Variants in NOS2 observed in about 807,000 individuals in gnomAD.
NOS2 encodes nitric oxide synthase 2.
A neutral mutation model predicts 136.0 loss-of-function variants in NOS2; 96 were observed. The observed-to-expected ratio is 0.71, with a 90% CI of 0.60 to 0.84. The LOEUF (loss-of-function observed/expected upper bound fraction) is 0.84, where lower values mean the gene tolerates loss of function less well. Ranked by LOEUF, NOS2 falls within the 40% of genes least tolerant of loss-of-function variation. The pLI is 0.00. For missense variants in NOS2, 1,237 were observed against 1,496.9 expected (o/e 0.83, Z 2.87); for synonymous variants, 539 against 587.5 (o/e 0.92, Z 1.20).
Position 27,776,655 on chromosome 17 carries a change from G to C in NOS2, c.1281+2035C>G, listed in dbSNP as rs28999391. 5.8e-3 allele frequency among the ~76,000 whole-genome samples: 826 copies of C among 143,270 alleles called. 5 individuals carry two copies. The highest frequency in any genetic ancestry group is 0.02 in the African/African-American group (773 of 38,446). 94.0% of individuals were successfully genotyped at this position (143,270 alleles called of 152,430 possible). ...ACCATGCACTCCAGCCTAGGCAATG[G>C]AGGGAGAGTTCATCTCCAAAGGAAA... On this transcript the variant is annotated intron_variant, in intron 11 of 26. Coordinates refer to ENST00000313735, the MANE Select transcript of NOS2 (RefSeq NM_000625.4).
chr17:27,765,511 C>G (rs570884481), intron 20 of NOS2, 24 bp downstream of exon 20: 2 of 1,565,174 alleles, frequency 1.3e-6, no homozygotes, highest in East Asian at 4.5e-5. Flanking sequence ...CCAGGCAGCA[C>G]TGGCTTTCTA....
At chr17:27,785,148 C>T (rs1301224768) in intron 5 of NOS2, among the ~76,000 whole-genome samples, 1 of 151,930 alleles carries the variant, frequency 6.6e-6, no homozygotes, top group Non-Finnish European at 1.5e-5. Flanking sequence ...TCTGGGGCTT[C>T]GAAGGGTGTG....
chr17:27,770,433 C>T (rs550934514), intron 15 of NOS2, among the ~76,000 whole-genome samples: 108 of 152,334 alleles, frequency 7.1e-4, no homozygotes, highest in African/African-American at 2.5e-3. Context: ...TTGCAGTGAG[C>T]TGAGATCGCA....
intron 15 of NOS2, 90 bp from the exon 16 acceptor site, chr17:27,769,674 C>T: frequency 8.8e-7 from 1 of 1,130,178 alleles, no homozygotes; most frequent in South Asian, 1.3e-5. Context: ...CCACAGCTTG[C>T]AGGAGAAGGC....
Position 27,787,774 on chromosome 17 carries a change from C to T in NOS2, c.371G>A (p.Ser124Asn), listed in dbSNP as rs148763708. 920 of 1,613,514 alleles carry T rather than the reference C, an allele frequency of 5.7e-4. 2 individuals carry two copies. Among genetic ancestry groups the T allele is most frequent in the Non-Finnish European group, 6.8e-4 (797 of 1,179,752 alleles). Residue 124 changes from serine to asparagine, a missense_variant, in exon 5 of 27, where the codon AGT (serine) becomes AAT (asparagine). Ser to Asn is a conservative substitution (Grantham distance 46, BLOSUM62 1). This residue lies in a region of NOS2 where 440 missense variants were observed against 545.4 expected (regional missense o/e 0.81). Transcript: ENST00000313735. The stretch of plus-strand genomic sequence containing the variant: ...CTTGTCCCTGGGTCCTCTGGTCAAA[C>T]TTTTGGGAGTCATAATGGACCCCAG... ...SCLGSIMTPK[S>N]LTRGPRDKPT...
In NOS2 at chr17:27,783,054, C is replaced by T. The variant is rs780822340; in HGVS notation, c.520G>A (p.Glu174Lys). Reference sequence around the variant, plus strand: ...GTCAGTTGGTAGGTTCCTGTTGTTTCTATCTCCTTTGTTACCGCTTCCACC... The same window carrying T: ...GTCAGTTGGTAGGTTCCTGTTGTTTTTATCTCCTTTGTTACCGCTTCCACC... ...ARVEAVTKEI[E>K]TTGTYQLTGD... The change falls in exon 6 of 27, where the codon GAA (glutamate) becomes AAA (lysine). Residue 174 changes from glutamate (E) to lysine (K), a missense_variant. Around this residue, in one of 3 missense-constraint regions of NOS2, gnomAD observed 440 missense variants for 545.4 expected, o/e 0.81. Transcript: ENST00000313735. The T allele has an allele frequency of 1.2e-5, 20 of 1,614,118 alleles. No individual in the cohort carries two copies. The East Asian group carries it at 4.2e-4, about 34-fold the overall frequency.
rs1908401226 is a variant in NOS2, at chr17:27,769,023, C to T, written c.1988G>A (p.Ser663Asn). ...GCTGCGGAAGGCGTCCTCCTGCCCA[C>T]TGAGCTCATCCCCTTCTCCCATCGG... ...LTPMGEGDELSGQEDAFRSWA... is the reference protein window; with the variant it reads ...LTPMGEGDELNGQEDAFRSWA... The change falls in exon 17 of 27, where the codon AGT (serine) becomes AAT (asparagine). Residue 663 changes from serine to asparagine, a missense_variant. Transcript: ENST00000313735. 1.2e-6 allele frequency: 2 copies of T among 1,612,594 alleles called. No homozygotes were observed. Among genetic ancestry groups the T allele is most frequent in the East Asian group, 4.5e-5 (2 of 44,862 alleles).
chr17:27,774,263 G>A lies in NOS2; in HGVS notation c.1470C>T (p.Tyr490=), dbSNP rs1474876110. ...GAAGAGGAAGGCCCCTAACCTGATA[G>A]TAGTAGAAAGGGGACAGGACGTAGT... The part of the protein sequence containing the change: ...MLNYVLSPFY[Y]YQVEAWKTHV... The change falls in exon 12 of 27, where the codon TAC becomes TAT. Residue 490 remains tyrosine, a synonymous_variant. Transcript: ENST00000313735. The A allele has an allele frequency of 2.0e-6, 3 of 1,499,520 alleles. No homozygotes were observed. The African/African-American group carries it at 4.2e-5, about 21-fold the overall frequency. 92.9% of individuals were successfully genotyped at this position (1,499,520 alleles called of 1,614,324 possible). A position where few individuals can be genotyped will look rare whatever the true frequency, so the allele number is the denominator to read the frequency against.
chr17:27,794,712 G>GCACACACACA (rs1471450143), intron 2 of NOS2, among the ~76,000 whole-genome samples: 4 of 123,824 alleles, frequency 3.2e-5, no homozygotes, highest in African/African-American at 1.1e-4. Context: ...ACACACACAC[G>GCACACACACA]CGCACACACA....
At position 27,772,462 on chromosome 17, in the gene NOS2, C is replaced by G. The variant is rs753156100; in HGVS notation, c.1560-10G>C. 6.2e-7 allele frequency: 1 copy of G among 1,613,422 alleles called. No individual in the cohort carries two copies. The highest frequency in any genetic ancestry group is 1.1e-5 in the South Asian group (1 of 91,056). ...GGCAAAGAGCACAGCTCTGTGGGGA[C>G]AGACAGACAGGCAGGCGCTGTGTGC... On this transcript the variant is annotated splice_polypyrimidine_tract_variant and intron_variant, in intron 13 of 26. Transcript: ENST00000313735.
intron 4 of NOS2, among the ~76,000 whole-genome samples, chr17:27,788,196 G>GCGTGCACA (rs1555540675): frequency 6.7e-6 from 1 of 149,646 alleles, no homozygotes; most frequent in African/African-American, 2.5e-5. Context: ...GCACACGCGT[G>GCGTGCACA]CACACACACA....
chr17:27,757,816 T>C (rs1304005299), intron 26 of NOS2, among the ~76,000 whole-genome samples: 2 of 152,218 alleles, frequency 1.3e-5, no homozygotes, highest in South Asian at 2.1e-4. Context: ...ACCGACCCAC[T>C]GAACACATTT....
intron 20 of NOS2, 147 bp from the exon 21 acceptor site, chr17:27,764,291 G>T: frequency 1.9e-6 from 1 of 519,054 alleles, no homozygotes. Context: ...GCAAAAGGCA[G>T]GAAGAAGGTG....
chr17:27,789,397 A>G (rs1300937630), intron 3 of NOS2, among the ~76,000 whole-genome samples: 2 of 151,920 alleles, frequency 1.3e-5, no homozygotes, highest in African/African-American at 4.8e-5. Flanking sequence ...GGGGGCCACC[A>G]CTCCCGACCA....
At chr17:27,759,161 G>C in intron 25 of NOS2, 86 bp from the exon 26 acceptor site, 1 of 976,470 alleles carries the variant, frequency 1.0e-6, no homozygotes, top group Non-Finnish European at 1.5e-6. Flanking sequence ...AGGAGGCGGG[G>C]AGAGGGGCAC....
In NOS2 at chr17:27,757,210, T is replaced by C. The variant is rs1597540524; in HGVS notation, c.*36A>G. On this transcript the variant is annotated 3_prime_UTR_variant, in exon 27 of 27. Transcript: ENST00000313735. ...ATGCAGAGCTGGCTCCATCCTTAAGTTCTGTGCCGGCAGCTTTAACCCCTC... is the reference window on the plus strand; with the variant it reads ...ATGCAGAGCTGGCTCCATCCTTAAGCTCTGTGCCGGCAGCTTTAACCCCTC... 6.4e-7 allele frequency: 1 copy of C among 1,557,034 alleles called. No individual in the cohort carries two copies. Among genetic ancestry groups the C allele is most frequent in the South Asian group, 1.1e-5 (1 of 89,242 alleles).
intron 25 of NOS2, among the ~76,000 whole-genome samples, chr17:27,759,483 G>C (rs1262922984): frequency 6.6e-6 from 1 of 152,112 alleles, no homozygotes; most frequent in African/African-American, 2.4e-5. Context: ...CCAGATACAA[G>C]GTCCAGGAGT....
In NOS2 at chr17:27,798,748, T is replaced by A. The variant is rs1405266929; in HGVS notation, c.62A>T (p.Glu21Val). Reference protein sequence around the residue: ...TKFHQYAMNGEKDINNNVEKA... With the variant: ...TKFHQYAMNGVKDINNNVEKA... ...CTCCACATTGTTGTTGATGTCTTTTTCCCCATTCATTGCATACTGGTGGAA... is the reference window on the plus strand; with the variant it reads ...CTCCACATTGTTGTTGATGTCTTTTACCCCATTCATTGCATACTGGTGGAA... The change falls in exon 2 of 27, where the codon GAA becomes GTA. Residue 21 changes from glutamate (E) to valine (V), a missense_variant. Glu to Val is a moderately radical substitution (Grantham distance 121). This residue lies in a region of NOS2 where 440 missense variants were observed against 545.4 expected (regional missense o/e 0.81). Transcript: ENST00000313735. 4 of 1,614,014 alleles carry A rather than the reference T, an allele frequency of 2.5e-6. No homozygotes were observed. The Admixed American group carries it at 5.0e-5, about 20-fold the overall frequency.
chr17:27,789,910 G>A (rs1909141184), intron 2 of NOS2, among the ~76,000 whole-genome samples: 2 of 152,188 alleles, frequency 1.3e-5, no homozygotes, highest in Admixed American at 6.5e-5. Context: ...GAGCAGAGCT[G>A]AGCCAAAGCT....
Sources: allele counts gnomAD v4.1 joint callset (sites outside exome capture counted in the v4.1 genomes callset), GRCh38; gene constraint gnomAD v4.1.1; regional missense constraint gnomAD v4.1.1; transcripts MANE v1.5; gene names NCBI Gene and HGNC (gene_info 2026-07-23, HGNC 2026-07-21).